The following COQ3 variants were observed in gnomAD, a reference collection of about 807,000 sequenced individuals.
COQ3 encodes the protein coenzyme Q3, methyltransferase.
COQ3 carries 29 observed loss-of-function variants against 33.1 expected under a neutral mutation model. The ratio of observed to expected loss-of-function variants is 0.88; its 90% CI spans 0.65 to 1.19. COQ3 has a LOEUF of 1.19. Among genes scored for constraint, COQ3 ranks in the 50% most tolerant of loss-of-function variants. The pLI, the probability that COQ3 is intolerant of heterozygous loss-of-function variation, is 0.00. For missense variants in COQ3, 437 were observed against 430.7 expected, an observed-to-expected ratio of 1.01 and a Z score of -0.13; for synonymous variants, 173 against 157.8, an observed-to-expected ratio of 1.10 and a Z score of -0.72.
chr6:99,373,810 A>G (rs888235057), intron 5 of COQ3, among the ~76,000 whole-genome samples: 5 of 152,108 alleles, frequency 3.3e-5, no homozygotes, highest in Non-Finnish European at 5.9e-5. Context: ...TGGGCAACAT[A>G]GGGAGACCCT....
At chr6:99,378,300 G>C (rs1774366037) in intron 3 of COQ3, among the ~76,000 whole-genome samples, 2 of 151,522 alleles carry the variant, frequency 1.3e-5, no homozygotes, top group African/African-American at 2.4e-5. Flanking sequence ...AACATGGATA[G>C]TGGTTAAGTA....
intron 1 of COQ3, among the ~76,000 whole-genome samples, chr6:99,392,010 T>C (rs1261243333): frequency 6.7e-6 from 1 of 149,680 alleles, no homozygotes; most frequent in Non-Finnish European, 1.5e-5. Context: ...AAAAAAAAAA[T>C]TAATTAATCT....
At chr6:99,372,635 C>T (rs2128469946) in intron 5 of COQ3, among the ~76,000 whole-genome samples, 1 of 152,210 alleles carries the variant, frequency 6.6e-6, no homozygotes, top group South Asian at 2.1e-4. Context: ...TCAGGCTGGT[C>T]TCGAACTCCT....
rs1305875190 is a variant in COQ3, at chr6:99,384,319, A to G, written c.107-495T>C. On this transcript the variant is annotated intron_variant, in intron 1 of 6. Coordinates refer to ENST00000254759, the MANE Select transcript of COQ3 (RefSeq NM_017421.4). ...TAAAATAAAGGTCTTACATTCTGGT[A>G]TCTAACTCTAACCCAGACATTTCTA... 2.6e-5 allele frequency among the ~76,000 whole-genome samples: 4 copies of G among 152,350 alleles called. No individual in the cohort carries two copies. The East Asian group carries it at 7.7e-4, about 29-fold the overall frequency.
At position 99,394,144 on chromosome 6, in the gene COQ3, A is replaced by G. The variant is rs1225185692; in HGVS notation, c.36T>C (p.Gly12=). ...CAGGCCCCAGCACTCTTAAAAACCA[A>G]CCCCCGGAGGAGCCCAGCTTACGGC... The part of the protein sequence containing the change: ...WSGRKLGSSG[G]WFLRVLGPGG... Residue 12 remains glycine, a synonymous_variant, in exon 1 of 7, where the codon GGT becomes GGC. Coordinates refer to ENST00000254759, the MANE Select transcript of COQ3 (RefSeq NM_017421.4). The G allele has an allele frequency of 1.5e-5, 24 of 1,607,176 alleles. No individual in the cohort carries two copies. Among genetic ancestry groups the G allele is most frequent in the Non-Finnish European group, 2.0e-5 (23 of 1,176,950 alleles).
chr6:99,374,129 A>AT (rs973873130), intron 5 of COQ3, among the ~76,000 whole-genome samples: 2 of 148,706 alleles, frequency 1.3e-5, no homozygotes, highest in South Asian at 2.3e-4. Flanking sequence ...TAGCAAAAAA[A>AT]AAAAAAAAAA....
At chr6:99,382,134 G>C (rs1464672920) in intron 2 of COQ3, among the ~76,000 whole-genome samples, 1 of 152,094 alleles carries the variant, frequency 6.6e-6, no homozygotes, top group Non-Finnish European at 1.5e-5. Flanking sequence ...TATTCTTAGT[G>C]ACTAGTACAG....
rs200652928 is a variant in COQ3 at position 99,383,659 on chromosome 6, T to C, written c.233+39A>G. ...GATAATACTAAAAACCTATTACATA[T>C]AATTACGTGAATATTTGCCACAGTA... On this transcript the variant is annotated intron_variant, in intron 2 of 6. Coordinates refer to ENST00000254759, the MANE Select transcript of COQ3 (RefSeq NM_017421.4). 12 of 1,479,626 alleles carry C rather than the reference T, an allele frequency of 8.1e-6. No individual in the cohort carries two copies. The East Asian group carries it at 2.8e-4, about 35-fold the overall frequency. 91.7% of individuals were successfully genotyped at this position (1,479,626 alleles called of 1,614,324 possible). A position where few individuals can be genotyped will look rare whatever the true frequency, so the allele number is the denominator to read the frequency against.
intron 5 of COQ3, among the ~76,000 whole-genome samples, chr6:99,375,026 C>T (rs1004094005): frequency 1.3e-5 from 2 of 150,384 alleles, no homozygotes; most frequent in Non-Finnish European, 3.0e-5. Flanking sequence ...TCTTGTTGCC[C>T]AGGCACAATC....
In COQ3 at chr6:99,383,737, C is replaced by T. The variant is rs533241969; in HGVS notation, c.194G>A (p.Arg65Lys). ...EYRTIWFKSYRTIFSCLNRIK... is the reference protein window; with the variant it reads ...EYRTIWFKSYKTIFSCLNRIK... Reference sequence around the variant, plus strand: ...TCTGTTCAAACAGGAAAAGATCGTCCTGTAGGATTTGAACCATATGGTTCT... The same window carrying T: ...TCTGTTCAAACAGGAAAAGATCGTCTTGTAGGATTTGAACCATATGGTTCT... Residue 65 changes from arginine to lysine, a missense_variant, in exon 2 of 7, where the codon AGG becomes AAG. Arg to Lys is a conservative substitution (Grantham distance 26). Coordinates refer to ENST00000254759, the MANE Select transcript of COQ3 (RefSeq NM_017421.4). 5.0e-6 allele frequency: 8 copies of T among 1,605,222 alleles called. No homozygotes were observed. The African/African-American group carries it at 8.1e-5, about 16-fold the overall frequency.
intron 2 of COQ3, among the ~76,000 whole-genome samples, chr6:99,383,385 G>A (rs979922601): frequency 3.9e-5 from 6 of 152,098 alleles, no homozygotes; most frequent in Admixed American, 1.3e-4. Flanking sequence ...CTTGTCATAA[G>A]GACATTATGA....
intron 1 of COQ3, among the ~76,000 whole-genome samples, chr6:99,390,336 T>A (rs1417309205): frequency 0.013 from 43 of 3,278 alleles, no homozygotes; most frequent in Admixed American, 0.025. Context: ...ATGTTAAACT[T>A]TTTTTTTTTT....
intron 1 of COQ3, among the ~76,000 whole-genome samples, chr6:99,388,931 A>ACT (rs1214806298): frequency 2.0e-5 from 1 of 48,826 alleles, no homozygotes; most frequent in Non-Finnish European, 6.3e-5. Flanking sequence ...ACACACACAC[A>ACT]CACCCACATC....
intron 5 of COQ3, among the ~76,000 whole-genome samples, chr6:99,372,789 G>T (rs530124445): frequency 1.5e-4 from 23 of 152,216 alleles, no homozygotes; most frequent in African/African-American, 4.8e-4. Flanking sequence ...GGATATTAAT[G>T]TCCCCTCTCT....
chr6:99,383,654 A>T, intron 2 of COQ3, 44 bp downstream of exon 2: 1 of 1,434,426 alleles, frequency 7.0e-7, no homozygotes, highest in Non-Finnish European at 9.5e-7. Flanking sequence ...AAAACCTATT[A>T]CATATAATTA....
intron 6 of COQ3, 105 bp downstream of exon 6, chr6:99,371,323 T>C: frequency 3.0e-6 from 2 of 674,146 alleles, no homozygotes; most frequent in Non-Finnish European, 4.8e-6. Flanking sequence ...TTCAAAAACA[T>C]AGTGGCCTAT....
At chr6:99,372,751 G>A (rs996399527) in intron 5 of COQ3, among the ~76,000 whole-genome samples, 3 of 152,082 alleles carry the variant, frequency 2.0e-5, no homozygotes, top group South Asian at 2.1e-4. Context: ...TATTTATGGC[G>A]TTACCTATAT....
chr6:99,370,344 C>CTTTTTTTTTTTTTTTTTTTTTTTTTT, intron 6 of COQ3, among the ~76,000 whole-genome samples: 16 of 101,250 alleles, frequency 1.6e-4, no homozygotes, highest in Admixed American at 4.2e-4. Flanking sequence ...CTTTTCTTTA[C>CTTTTTTTTTTTTTTTTTTTTTTTTTT]TTTTTTTTTT....
At chr6:99,393,175 T>C (rs914485625) in intron 1 of COQ3, among the ~76,000 whole-genome samples, 2 of 151,866 alleles carry the variant, frequency 1.3e-5, no homozygotes, top group Non-Finnish European at 2.9e-5. Context: ...AAGTTCACTA[T>C]ACATACTGAT....
Sources: allele counts gnomAD v4.1 joint callset (sites outside exome capture counted in the v4.1 genomes callset), GRCh38; gene constraint gnomAD v4.1.1; transcripts MANE v1.5; gene names NCBI Gene and HGNC (gene_info 2026-07-23, HGNC 2026-07-21).